KCNAB1: variants seen among roughly 807,000 people sequenced by gnomAD.
KCNAB1 encodes the protein voltage-gated potassium channel subunit beta-1.
A neutral mutation model predicts 64.6 loss-of-function variants in KCNAB1; 35 were observed. The observed-to-expected ratio is 0.54, with a 90% CI of 0.41 to 0.72. KCNAB1 has a LOEUF of 0.72. Among genes scored for constraint, KCNAB1 ranks in the 30% least tolerant of loss-of-function variants. The pLI, the probability that KCNAB1 is intolerant of heterozygous loss-of-function variation, is 0.00. For missense variants in KCNAB1, 401 were observed against 512.9 expected, an observed-to-expected ratio of 0.78 and a Z score of 2.11; for synonymous variants, 177 against 183.8, an observed-to-expected ratio of 0.96 and a Z score of 0.30.
chr3:156,306,110 T>C (rs1046232110), intron 1 of KCNAB1, among the ~76,000 whole-genome samples: 1 of 152,222 alleles, frequency 6.6e-6, no homozygotes, highest in Non-Finnish European at 1.5e-5. Context: ...GGGCAAGTTA[T>C]TGATATTGAT....
intron 1 of KCNAB1, chr3:156,227,699 T>C (rs1222035208): frequency 6.6e-6 from 1 of 152,240 alleles, no homozygotes; most frequent in Admixed American, 6.5e-5. Flanking sequence ...CAAATGATTC[T>C]CCTCTTCATG....
Position 156,319,789 on chromosome 3 carries a change from C to T in KCNAB1, c.276-101827C>T, listed in dbSNP as rs1227058218. Among the ~76,000 whole-genome samples, 3 of 152,172 alleles carry T rather than the reference C, an allele frequency of 2.0e-5. No homozygotes were observed. In the East Asian group the frequency reaches 5.8e-4, roughly 29 times the overall value. On this transcript the variant is annotated intron_variant, in intron 1 of 13. Transcript: ENST00000490337. ...CTCCTATTGGATATTCTCCGTTTTG[C>T]CCTCTCTCCTTTAAAATTGTTCCAA...
intron 1 of KCNAB1, among the ~76,000 whole-genome samples, chr3:156,213,077 A>T (rs1715111885): frequency 6.6e-6 from 1 of 152,160 alleles, no homozygotes; most frequent in Admixed American, 6.5e-5. Flanking sequence ...CTCGCTTAGT[A>T]ACTAACACCA....
intron 1 of KCNAB1, among the ~76,000 whole-genome samples, chr3:156,234,799 C>T (rs938244357): frequency 2.6e-5 from 4 of 152,140 alleles, no homozygotes; most frequent in Non-Finnish European, 5.9e-5. Context: ...TAGATGTATA[C>T]AGAGTTAATG....
chr3:156,334,306 A>T (rs1417385387), intron 1 of KCNAB1, among the ~76,000 whole-genome samples: 1 of 152,222 alleles, frequency 6.6e-6, no homozygotes, highest in African/African-American at 2.4e-5. Context: ...TTCCCTGACC[A>T]GTGGATTTAT....
chr3:156,145,772 C>G (rs1388116449), intron 1 of KCNAB1, among the ~76,000 whole-genome samples: 1 of 152,106 alleles, frequency 6.6e-6, no homozygotes, highest in Non-Finnish European at 1.5e-5. Flanking sequence ...ATGTCTAATA[C>G]AGTAGGTGCT....
chr3:156,517,381 C>T (rs928551226), intron 11 of KCNAB1, among the ~76,000 whole-genome samples: 14 of 152,160 alleles, frequency 9.2e-5, no homozygotes, highest in Non-Finnish European at 1.8e-4. Context: ...AACATGAATA[C>T]GTCCTAAAGC....
At position 156,122,627 on chromosome 3, in the gene KCNAB1, T is replaced by A. The variant is rs554394511; in HGVS notation, c.275+1741T>A. On this transcript the variant is annotated intron_variant, in intron 1 of 13. Coordinates refer to ENST00000490337, the MANE Select transcript of KCNAB1 (RefSeq NM_172160.3). ...TCTCCTGTGATAATCTGTGGGGTAG[T>A]GTTATTAATCACTGATTGACAATAG... 8.5e-5 allele frequency among the ~76,000 whole-genome samples: 13 copies of A among 152,344 alleles called. No homozygotes were observed. The South Asian group carries it at 2.7e-3, about 32-fold the overall frequency.
chr3:156,477,423 G>A (rs1349415064), intron 8 of KCNAB1, among the ~76,000 whole-genome samples: 2 of 152,108 alleles, frequency 1.3e-5, no homozygotes, highest in Non-Finnish European at 2.9e-5. Context: ...ATGGCATTTT[G>A]TAGCACAGCA....
chr3:156,203,086 G>T (rs1714446208), intron 1 of KCNAB1, among the ~76,000 whole-genome samples: 3 of 152,140 alleles, frequency 2.0e-5, no homozygotes, highest in Non-Finnish European at 4.4e-5. Context: ...TCTTTTGTAT[G>T]CACAGTTGGT....
At chr3:156,308,349 A>G (rs1721656365) in intron 1 of KCNAB1, among the ~76,000 whole-genome samples, 1 of 152,202 alleles carries the variant, frequency 6.6e-6, no homozygotes, top group South Asian at 2.1e-4. Context: ...GAGATGGAGC[A>G]GGATTTTGAG....
chr3:156,273,236 G>A (rs1030556130), intron 1 of KCNAB1, among the ~76,000 whole-genome samples: 5 of 152,238 alleles, frequency 3.3e-5, no homozygotes, highest in South Asian at 4.2e-4. Flanking sequence ...GTCTAATTAG[G>A]TTACACGCCC....
At chr3:156,446,297 A>T (rs7622568) in intron 2 of KCNAB1, among the ~76,000 whole-genome samples, 7,568 of 152,200 alleles carry the variant, frequency 0.05, 309 homozygotes, top group African/African-American at 0.11. Flanking sequence ...TTCTTGCTGG[A>T]TACGCAATTT....
intron 1 of KCNAB1, among the ~76,000 whole-genome samples, chr3:156,404,484 G>A (rs1205063956): frequency 6.6e-6 from 1 of 152,210 alleles, no homozygotes; most frequent in Admixed American, 6.5e-5. Context: ...GCTTCTGAAC[G>A]ATTAATCCCA....
intron 8 of KCNAB1, among the ~76,000 whole-genome samples, chr3:156,479,969 T>C (rs1413972923): frequency 3.9e-5 from 6 of 152,262 alleles, no homozygotes; most frequent in Non-Finnish European, 8.8e-5. Flanking sequence ...CTATGGATAT[T>C]CAGGGATTCA....
In KCNAB1 at chr3:156,523,642, C is replaced by T. The variant is rs1257589985; in HGVS notation, c.961-185C>T. On this transcript the variant is annotated intron_variant, in intron 11 of 13. Transcript: ENST00000490337. ...TTAGTCAAAATCAATCTGTTTTGAA[C>T]CAATAAACAAGGAGCAAGATCGTGA... 7 of 609,704 alleles carry T rather than the reference C, an allele frequency of 1.1e-5. No homozygotes were observed. The East Asian group carries it at 1.9e-4, about 17-fold the overall frequency. The allele number at this position is 609,704 out of a possible 1,614,324, so 37.8% of individuals were successfully genotyped here. A position where few individuals can be genotyped will look rare whatever the true frequency, so the allele number is the denominator to read the frequency against.
chr3:156,168,884 A>G (rs1403799756), intron 1 of KCNAB1, among the ~76,000 whole-genome samples: 5 of 152,350 alleles, frequency 3.3e-5, no homozygotes, highest in Middle Eastern at 3.4e-3. Context: ...GACTTCTGTT[A>G]CTTCTTTCAC....
chr3:156,299,980 G>A (rs188795374), intron 1 of KCNAB1, among the ~76,000 whole-genome samples: 1 of 152,214 alleles, frequency 6.6e-6, no homozygotes, highest in Non-Finnish European at 1.5e-5. Context: ...CAGAATTGTT[G>A]TCTATTGCCT....
intron 1 of KCNAB1, among the ~76,000 whole-genome samples, chr3:156,129,048 A>G (rs1332843634): frequency 4.1e-5 from 6 of 146,360 alleles, no homozygotes; most frequent in Non-Finnish European, 1.5e-5. Context: ...CGGGGCTTTT[A>G]TAGTCGTTCT....
Sources: gnomAD v4.1 joint callset for allele counts (sites outside exome capture counted in the v4.1 genomes callset) on GRCh38, gnomAD v4.1.1 for gene constraint, MANE v1.5 for transcripts, NCBI Gene and HGNC (gene_info 2026-07-23, HGNC 2026-07-21) for gene names.